Variants in MOB3B observed in about 807,000 individuals in gnomAD.
The protein encoded by MOB3B is MOB kinase activator 3B, also known as MOB kinase activator-like 2B.
MOB3B carries 7 observed loss-of-function variants against 18.7 expected under a neutral mutation model. That is an observed-to-expected ratio of 0.37 (90% CI 0.21 to 0.70). The LOEUF (loss-of-function observed/expected upper bound fraction) is 0.70, where lower values mean the gene tolerates loss of function less well. Among genes scored for constraint, MOB3B ranks in the 30% least tolerant of loss-of-function variants. The probability of loss-of-function intolerance (pLI) is 0.52; values close to 1 mark genes in which losing one functional copy is unlikely to be tolerated. For missense variants in MOB3B, 253 were observed against 281.3 expected (o/e 0.90, Z 0.72); for synonymous variants, 111 against 99.9 (o/e 1.11, Z -0.66).
chr9:27,400,871 C>T (rs1374241106), intron 2 of MOB3B, among the ~76,000 whole-genome samples: 1 of 152,212 alleles, frequency 6.6e-6, no homozygotes, highest in African/African-American at 2.4e-5. Context: ...TATTAAATAT[C>T]TAGCTTAGGC....
intron 3 of MOB3B, among the ~76,000 whole-genome samples, chr9:27,356,151 A>G (rs1821188192): frequency 6.6e-6 from 1 of 152,190 alleles, no homozygotes; most frequent in South Asian, 2.1e-4. Flanking sequence ...TGTAAAACAA[A>G]TATATATGTT....
chr9:27,517,541 A>G (rs796489), intron 1 of MOB3B, among the ~76,000 whole-genome samples: 141,448 of 151,306 alleles, frequency 0.93, 66,630 homozygotes, highest in Non-Finnish European at 0.99. Flanking sequence ...CCAGCTACTC[A>G]GGAGGCTGAG....
At chr9:27,354,037 T>A (rs757428344) in intron 3 of MOB3B, among the ~76,000 whole-genome samples, 1 of 152,258 alleles carries the variant, frequency 6.6e-6, no homozygotes, top group Admixed American at 6.5e-5. Flanking sequence ...TGTGTCAGTG[T>A]GCCAGGCTCC....
At chr9:27,444,368 C>T (rs1222078440) in intron 2 of MOB3B, among the ~76,000 whole-genome samples, 1 of 151,918 alleles carries the variant, frequency 6.6e-6, no homozygotes, top group African/African-American at 2.4e-5. Context: ...CTGCTTTCTT[C>T]CACCTCTTCA....
intron 2 of MOB3B, among the ~76,000 whole-genome samples, chr9:27,372,932 A>G (rs1221461995): frequency 6.6e-6 from 1 of 152,224 alleles, no homozygotes; most frequent in African/African-American, 2.4e-5. Flanking sequence ...GATACTGGAA[A>G]CTGGGTGAGG....
chr9:27,338,168 CCT>C (rs1365260690), intron 3 of MOB3B, among the ~76,000 whole-genome samples: 1 of 152,216 alleles, frequency 6.6e-6, no homozygotes, highest in African/African-American at 2.4e-5. Context: ...GCTTCCCGCC[CCT>C]GTCTGTGGCC....
At chr9:27,501,660 T>G (rs998869664) in intron 1 of MOB3B, among the ~76,000 whole-genome samples, 8 of 150,772 alleles carry the variant, frequency 5.3e-5, no homozygotes, top group South Asian at 4.2e-4. Flanking sequence ...AATGATGGGT[T>G]GATGGGTGAG....
intron 1 of MOB3B, among the ~76,000 whole-genome samples, chr9:27,510,440 A>T (rs1475761626): frequency 6.6e-6 from 1 of 152,194 alleles, no homozygotes; most frequent in Non-Finnish European, 1.5e-5. Flanking sequence ...GATCAGTGAT[A>T]CACAAAGTAT....
At chr9:27,389,350 G>A (rs571400495) in intron 2 of MOB3B, among the ~76,000 whole-genome samples, 47 of 148,326 alleles carry the variant, frequency 3.2e-4, no homozygotes, top group Non-Finnish European at 4.6e-4. Context: ...ATCTCCCTGC[G>A]ACCCCACCGT....
intron 2 of MOB3B, among the ~76,000 whole-genome samples, chr9:27,454,699 A>G (rs1291392455): frequency 6.6e-6 from 1 of 152,226 alleles, no homozygotes; most frequent in African/African-American, 2.4e-5. Context: ...TTGAACCCCC[A>G]GTTTGTTTGA....
In MOB3B at chr9:27,329,289, A is replaced by G. The variant is rs1820755667; in HGVS notation, c.*1298T>C. 1 of 152,224 alleles carries G rather than the reference A, an allele frequency of 6.6e-6. No individual in the cohort carries two copies. Among genetic ancestry groups the G allele is most frequent in the South Asian group, 2.1e-4 (1 of 4,832 alleles). The allele number at this position is 152,224 out of a possible 1,614,324, so 9.4% of individuals were successfully genotyped here. ...GGTCAGAACCACCACAGTTTTGTGA[A>G]TGAATCAGAGAAGGCAACATTTCAT... On this transcript the variant is annotated 3_prime_UTR_variant, in exon 4 of 4. Coordinates refer to ENST00000262244, the MANE Select transcript of MOB3B (RefSeq NM_024761.5).
chr9:27,364,163 C>T (rs183312884), intron 2 of MOB3B, among the ~76,000 whole-genome samples: 166 of 152,310 alleles, frequency 1.1e-3, no homozygotes, highest in African/African-American at 3.7e-3. Flanking sequence ...TCACCTCGAA[C>T]GGACACTTGG....
chr9:27,391,555 C>T (rs1821728295), intron 2 of MOB3B, among the ~76,000 whole-genome samples: 1 of 152,202 alleles, frequency 6.6e-6, no homozygotes, highest in African/African-American at 2.4e-5. Context: ...AATTATTAAA[C>T]TATTTTAATG....
At chr9:27,430,670 C>T (rs998847321) in intron 2 of MOB3B, among the ~76,000 whole-genome samples, 2 of 152,026 alleles carry the variant, frequency 1.3e-5, no homozygotes, top group Non-Finnish European at 2.9e-5. Flanking sequence ...AAGAAGAATT[C>T]GTCCAGGCGG....
At chr9:27,474,378 A>C (rs1023665071) in intron 1 of MOB3B, among the ~76,000 whole-genome samples, 1 of 152,236 alleles carries the variant, frequency 6.6e-6, no homozygotes, top group African/African-American at 2.4e-5. Context: ...AAATTATTCA[A>C]GTGGAACTTC....
chr9:27,451,698 T>C (rs1051393319), intron 2 of MOB3B, among the ~76,000 whole-genome samples: 1 of 152,184 alleles, frequency 6.6e-6, no homozygotes, highest in Admixed American at 6.5e-5. Flanking sequence ...AAAGCTGTAA[T>C]TCTAAGCAGA....
intron 3 of MOB3B, among the ~76,000 whole-genome samples, chr9:27,341,075 A>G (rs1820933801): frequency 6.6e-6 from 1 of 152,222 alleles, no homozygotes; most frequent in Non-Finnish European, 1.5e-5. Context: ...GGGCAGGGGA[A>G]GGAATTCTCA....
chr9:27,419,550 G>A (rs1822208673), intron 2 of MOB3B, among the ~76,000 whole-genome samples: 1 of 152,118 alleles, frequency 6.6e-6, no homozygotes, highest in Non-Finnish European at 1.5e-5. Flanking sequence ...AACATAAAGT[G>A]GGGAAAGGAC....
chr9:27,498,296 C>A (rs988697206), intron 1 of MOB3B, among the ~76,000 whole-genome samples: 3 of 152,168 alleles, frequency 2.0e-5, no homozygotes, highest in African/African-American at 7.2e-5. Flanking sequence ...ACAGCGTTTT[C>A]CAAGCTACTC....
Sources: gnomAD v4.1 joint callset for allele counts (sites outside exome capture counted in the v4.1 genomes callset) on GRCh38, gnomAD v4.1.1 for gene constraint, MANE v1.5 for transcripts, NCBI Gene and HGNC (gene_info 2026-07-23, HGNC 2026-07-21) for gene names.